The following ADAMDEC1 variants were observed in gnomAD, a reference collection of about 807,000 sequenced individuals.
The protein encoded by ADAMDEC1 is ADAM like decysin 1.
In ADAMDEC1, 62 loss-of-function variants were observed where a neutral mutation model predicts 60.4. The ratio of observed to expected loss-of-function variants is 1.03; its 90% CI spans 0.84 to 1.27. The LOEUF is 1.27. Ranked by LOEUF, ADAMDEC1 falls within the 50% of genes most tolerant of loss-of-function variation. The pLI, the probability that ADAMDEC1 is intolerant of heterozygous loss-of-function variation, is 0.00. For synonymous variants in ADAMDEC1, 210 were observed against 195.1 expected (o/e 1.08, Z -0.64); for missense variants, 595 against 565.0 (o/e 1.05, Z -0.54).
At position 24,399,082 on chromosome 8, in the gene ADAMDEC1, G is replaced by C. The variant is rs6980597; in HGVS notation, c.929+42G>C. On this transcript the variant is annotated intron_variant, in intron 9 of 13. Transcript: ENST00000256412. ...CAGGTGAATGTAGGCAGAATGGATA[G>C]CTATCCCCAGGGTTCCTTAGCAGGG... is the stretch of plus-strand genomic sequence containing the variant. The C allele has an allele frequency of 3.2e-3, 5,018 of 1,579,544 alleles. 141 individuals are homozygous for C. The African/African-American group carries it at 0.061, about 19-fold the overall frequency.
At chr8:24,388,803 C>A (rs1443052999) in intron 1 of ADAMDEC1, among the ~76,000 whole-genome samples, 1 of 152,142 alleles carries the variant, frequency 6.6e-6, no homozygotes, top group Non-Finnish European at 1.5e-5. Flanking sequence ...CGCAAATCTG[C>A]CCCAAAGCCC....
intron 12 of ADAMDEC1, among the ~76,000 whole-genome samples, 183 bp downstream of exon 12, chr8:24,402,275 G>T (rs1817785050): frequency 3.3e-5 from 5 of 152,112 alleles, no homozygotes; most frequent in Admixed American, 3.3e-4. Context: ...ACTAGGACTT[G>T]ATTTTGACAT....
At chr8:24,399,574 C>G (rs1299626431) in intron 10 of ADAMDEC1, 100 bp downstream of exon 10, 1 of 1,010,468 alleles carries the variant, frequency 9.9e-7, no homozygotes, top group Admixed American at 1.8e-5. Context: ...TTTGCTGAAT[C>G]AATGAATCAA....
At chr8:24,397,103 G>A (rs1817633864) in intron 5 of ADAMDEC1, among the ~76,000 whole-genome samples, 167 bp from the exon 6 acceptor site, 3 of 151,938 alleles carry the variant, frequency 2.0e-5, no homozygotes, top group Non-Finnish European at 2.9e-5. Context: ...ATTTTATATC[G>A]ACAAATAGTG....
intron 1 of ADAMDEC1, among the ~76,000 whole-genome samples, chr8:24,385,502 T>G (rs780181712): frequency 5.3e-5 from 8 of 152,220 alleles, no homozygotes; most frequent in Non-Finnish European, 1.2e-4. Context: ...AATTCAATTA[T>G]TTGATCCATA....
At chr8:24,402,544 A>G (rs1188251659) in intron 12 of ADAMDEC1, among the ~76,000 whole-genome samples, 1 of 152,174 alleles carries the variant, frequency 6.6e-6, no homozygotes, top group African/African-American at 2.4e-5. Flanking sequence ...AAAAATCTGT[A>G]GAAAATAGGC....
At chr8:24,396,309 G>A (rs1017095403) in intron 5 of ADAMDEC1, among the ~76,000 whole-genome samples, 1 of 152,130 alleles carries the variant, frequency 6.6e-6, no homozygotes, top group African/African-American at 2.4e-5. Context: ...AGAAGATTGA[G>A]ACCATCCTGG....
chr8:24,384,427 G>A lies in ADAMDEC1; in HGVS notation c.-78G>A, dbSNP rs1585798018. The A allele has an allele frequency of 1.2e-5, 14 of 1,186,204 alleles. No individual in the cohort carries two copies. The highest frequency in any genetic ancestry group is 1.6e-5 in the African/African-American group (1 of 63,238). The allele number at this position is 1,186,204 out of a possible 1,614,324, so 73.5% of individuals were successfully genotyped here. On this transcript the variant is annotated 5_prime_UTR_variant, in exon 1 of 14. Coordinates refer to ENST00000256412, the MANE Select transcript of ADAMDEC1 (RefSeq NM_014479.3). Reference sequence around the variant, plus strand: ...ATTCCCCAATCTCACACGAAAAGTGGGGGTTTTAATTTTCTTGTTCAACTT... The same window carrying A: ...ATTCCCCAATCTCACACGAAAAGTGAGGGTTTTAATTTTCTTGTTCAACTT...
chr8:24,387,148 T>C (rs1311511515), intron 1 of ADAMDEC1: 3 of 152,234 alleles, frequency 2.0e-5, no homozygotes, highest in Non-Finnish European at 2.9e-5. Context: ...TTGAAAGCAA[T>C]GAGTTCACGT....
intron 12 of ADAMDEC1, among the ~76,000 whole-genome samples, chr8:24,402,834 C>G (rs1271300393): frequency 6.6e-6 from 1 of 152,136 alleles, no homozygotes; most frequent in African/African-American, 2.4e-5. Flanking sequence ...GAAGACTACA[C>G]AGCCTAACTT....
chr8:24,384,675 T>C (rs1817249084), intron 1 of ADAMDEC1, 83 bp downstream of exon 1: 1 of 1,269,422 alleles, frequency 7.9e-7, no homozygotes, highest in South Asian at 1.4e-5. Flanking sequence ...AAAAATGGCA[T>C]ATGTTTTTAT....
intron 13 of ADAMDEC1, among the ~76,000 whole-genome samples, chr8:24,404,349 C>T (rs184269388): frequency 1.2e-3 from 189 of 152,132 alleles, no homozygotes; most frequent in African/African-American, 4.3e-3. Context: ...TTTAAATTCC[C>T]GTTAGAGAAC....
intron 1 of ADAMDEC1, among the ~76,000 whole-genome samples, chr8:24,386,456 G>T (rs1451561330): frequency 6.6e-6 from 1 of 152,138 alleles, no homozygotes; most frequent in Admixed American, 6.5e-5. Flanking sequence ...ATAAAACCAC[G>T]CCAGAAGTTT....
At position 24,400,172 on chromosome 8, in the gene ADAMDEC1, T is replaced by TA. The variant is rs746174250; in HGVS notation, c.1022dup (p.Asn342GlufsTer2). ...ATAAATATATCTACTTTTTCCAGGCTAAAAAAAAGAATAATGTGGCTCTTG... is the reference window on the plus strand; with the variant it reads ...ATAAATATATCTACTTTTTCCAGGCTAAAAAAAAAGAATAATGTGGCTCTTG... On this transcript the variant is annotated frameshift_variant, in exon 11 of 14. Transcript: ENST00000256412. LOFTEE classifies it high-confidence loss of function. 2.5e-5 allele frequency: 40 copies of TA among 1,569,188 alleles called. No individual in the cohort carries two copies. Among genetic ancestry groups the TA allele is most frequent in the Middle Eastern group, 1.7e-4 (1 of 5,880 alleles).
intron 4 of ADAMDEC1, 65 bp from the exon 5 acceptor site, chr8:24,395,655 C>A: frequency 9.5e-7 from 1 of 1,050,426 alleles, no homozygotes; most frequent in Non-Finnish European, 1.4e-6. Context: ...TTATACATTA[C>A]ACACACACTC....
In ADAMDEC1 at chr8:24,391,179, G is replaced by A. The variant is rs78774338; in HGVS notation, c.89-1083G>A. ...GCTTTGTAATTTCCTTTCATTTTCC[G>A]TATCAGCCAGGTATAAAATCTCCTG... On this transcript the variant is annotated intron_variant, in intron 1 of 13. Coordinates refer to ENST00000256412, the MANE Select transcript of ADAMDEC1 (RefSeq NM_014479.3). Among the ~76,000 whole-genome samples, 260 of 152,132 alleles carry A rather than the reference G, an allele frequency of 1.7e-3. 1 individual carries two copies. Among genetic ancestry groups the A allele is most frequent in the East Asian group, 9.7e-3 (50 of 5,174 alleles).
At chr8:24,399,187 T>C (rs1817695815) in intron 9 of ADAMDEC1, 147 bp downstream of exon 9, 1 of 1,042,496 alleles carries the variant, frequency 9.6e-7, no homozygotes. Context: ...TGTGACATTA[T>C]TGGATCAATA....
In ADAMDEC1 at chr8:24,393,319, C is replaced by G. The variant is rs61752046; in HGVS notation, c.265C>G (p.Leu89Val). 21,867 of 1,602,342 alleles carry G rather than the reference C, an allele frequency of 0.014. 238 individuals are homozygous for G. Among genetic ancestry groups the G allele is most frequent in the Non-Finnish European group, 0.014 (16,958 of 1,172,440 alleles). The change falls in exon 3 of 14, where the codon CTC becomes GTC. Residue 89 changes from leucine (L) to valine (V), a missense_variant. Transcript: ENST00000256412. ...QMILNGEEII[L>V]SLQKTKHLLG... ...GATCTTAAATGGAGAAGAAATCATT[C>G]TCTCCCTACAAAAAACCAAGTAAGT...
intron 3 of ADAMDEC1, among the ~76,000 whole-genome samples, chr8:24,393,779 G>T (rs1817510986): frequency 6.6e-6 from 1 of 152,126 alleles, no homozygotes; most frequent in Admixed American, 6.6e-5. Context: ...CCCTTCAAAG[G>T]TTCTGTGGAG....
Sources: gnomAD v4.1 joint callset for allele counts (sites outside exome capture counted in the v4.1 genomes callset) on GRCh38, gnomAD v4.1.1 for gene constraint, MANE v1.5 for transcripts, NCBI Gene and HGNC (gene_info 2026-07-23, HGNC 2026-07-21) for gene names.